The following CDH22 variants were observed in gnomAD, a reference collection of about 807,000 sequenced individuals.
CDH22 encodes the protein cadherin-22.
Under a neutral mutation model 58.4 loss-of-function variants are expected in CDH22, and 30 were observed. The observed-to-expected ratio is 0.51, with a 90% CI of 0.38 to 0.70. The LOEUF (loss-of-function observed/expected upper bound fraction) is 0.70, where lower values mean the gene tolerates loss of function less well. Among genes scored for constraint, CDH22 ranks in the 30% least tolerant of loss-of-function variants. The pLI is 0.00. For missense variants in CDH22, 1,014 were observed against 1,233.9 expected, an observed-to-expected ratio of 0.82 and a Z score of 2.67; for synonymous variants, 513 against 558.2, an observed-to-expected ratio of 0.92 and a Z score of 1.14.
intron 10 of CDH22, among the ~76,000 whole-genome samples, chr20:46,180,227 C>T (rs2085774706): frequency 6.6e-6 from 1 of 152,204 alleles, no homozygotes; most frequent in African/African-American, 2.4e-5. Context: ...GGGTCAGCCC[C>T]TCAGGTCACT....
intron 1 of CDH22, among the ~76,000 whole-genome samples, chr20:46,277,874 G>A (rs2086527767): frequency 6.6e-6 from 1 of 151,988 alleles, no homozygotes; most frequent in African/African-American, 2.4e-5. Context: ...GGCTTTGAAG[G>A]GAAGGAGGGA....
At chr20:46,233,741 T>A (rs2086234827) in intron 3 of CDH22, among the ~76,000 whole-genome samples, 1 of 152,222 alleles carries the variant, frequency 6.6e-6, no homozygotes, top group African/African-American at 2.4e-5. Context: ...TGGGGCCAAC[T>A]CCTGAGGACC....
At chr20:46,195,142 C>T (rs1376982661) in intron 8 of CDH22, among the ~76,000 whole-genome samples, 1 of 152,196 alleles carries the variant, frequency 6.6e-6, no homozygotes, top group Non-Finnish European at 1.5e-5. Flanking sequence ...AGTGACCTGT[C>T]CAGGCCCACC....
intron 1 of CDH22, among the ~76,000 whole-genome samples, chr20:46,305,021 A>G (rs1313951931): frequency 6.6e-6 from 1 of 152,194 alleles, no homozygotes; most frequent in Non-Finnish European, 1.5e-5. Flanking sequence ...TTGGACAGTC[A>G]ACAACCTGCC....
At chr20:46,206,114 T>TGATG (rs2086000489) in intron 7 of CDH22, among the ~76,000 whole-genome samples, 1 of 152,214 alleles carries the variant, frequency 6.6e-6, no homozygotes, top group Non-Finnish European at 1.5e-5. Context: ...CACTGGCCCA[T>TGATG]GTCTGAGGCC....
chr20:46,213,957 T>TA (rs1907448703), intron 5 of CDH22, among the ~76,000 whole-genome samples: 1 of 152,132 alleles, frequency 6.6e-6, no homozygotes, highest in African/African-American at 2.4e-5. Flanking sequence ...AGGAGAGAGA[T>TA]AAAGCAGGGA....
At position 46,231,956 on chromosome 20, in the gene CDH22, G is replaced by A. The variant is rs942712402; in HGVS notation, c.551-4329C>T. 3.9e-5 allele frequency among the ~76,000 whole-genome samples: 6 copies of A among 152,252 alleles called. No homozygotes were observed. The South Asian group carries it at 6.2e-4, about 16-fold the overall frequency. ...GATGGATTTAAGGACCCAGTGTGTC[G>A]TGGGTGCCTAACAGAAGCTCATTCC... On this transcript the variant is annotated intron_variant, in intron 3 of 11. Coordinates refer to ENST00000537909, the MANE Select transcript of CDH22 (RefSeq NM_021248.3).
chr20:46,193,054 G>C (rs907459551), intron 8 of CDH22, among the ~76,000 whole-genome samples: 1 of 152,080 alleles, frequency 6.6e-6, no homozygotes, highest in Non-Finnish European at 1.5e-5. Flanking sequence ...AGGAAGGGGT[G>C]GGGGAGGACT....
At chr20:46,181,716 T>TTCCTTCCTTCCTTCCTTCCTTCC (rs1555800194) in intron 10 of CDH22, among the ~76,000 whole-genome samples, 6 of 44,334 alleles carry the variant, frequency 1.4e-4, no homozygotes, top group Non-Finnish European at 2.2e-4. Flanking sequence ...TCTTTCTTTT[T>TTCCTTCCTTCCTTCCTTCCTTCC]TTCCTTCCTT....
chr20:46,266,287 T>C (rs1305488896), intron 1 of CDH22, among the ~76,000 whole-genome samples: 2 of 152,192 alleles, frequency 1.3e-5, no homozygotes, highest in African/African-American at 4.8e-5. Flanking sequence ...GGTGGCCTTA[T>C]GGCTGTCCGT....
chr20:46,193,637 T>C (rs909465119), intron 8 of CDH22, among the ~76,000 whole-genome samples: 2 of 152,136 alleles, frequency 1.3e-5, no homozygotes, highest in Non-Finnish European at 2.9e-5. Context: ...CCAGTGAGCT[T>C]CTTCACTCAC....
chr20:46,235,652 G>T (rs912976301), intron 3 of CDH22, among the ~76,000 whole-genome samples: 1 of 152,090 alleles, frequency 6.6e-6, no homozygotes, highest in East Asian at 1.9e-4. Flanking sequence ...CTTCAGCATC[G>T]TCCTTGTCTC....
chr20:46,200,331 A>G (rs1017825530), intron 7 of CDH22, among the ~76,000 whole-genome samples: 63 of 148,878 alleles, frequency 4.2e-4, no homozygotes, highest in African/African-American at 1.5e-3. Flanking sequence ...GTAGAGTGCA[A>G]TGGTGCCATC....
intron 1 of CDH22, among the ~76,000 whole-genome samples, chr20:46,272,187 C>T (rs1256088637): frequency 2.6e-5 from 4 of 152,308 alleles, no homozygotes; most frequent in South Asian, 2.1e-4. Context: ...ATTCTAATTC[C>T]GTCCAGAAGT....
chr20:46,213,394 C>G (rs1257479159), intron 5 of CDH22, among the ~76,000 whole-genome samples: 1 of 152,208 alleles, frequency 6.6e-6, no homozygotes, highest in Admixed American at 6.5e-5. Flanking sequence ...GGTTTAAATT[C>G]TGACCTTTGG....
chr20:46,176,597 T>A (rs554447202), intron 11 of CDH22, among the ~76,000 whole-genome samples: 1 of 152,372 alleles, frequency 6.6e-6, no homozygotes, highest in Admixed American at 6.5e-5. Context: ...ACTGGACTCT[T>A]CTTGCTCCTC....
intron 10 of CDH22, among the ~76,000 whole-genome samples, chr20:46,182,669 G>A (rs2085798204): frequency 6.6e-6 from 1 of 152,188 alleles, no homozygotes; most frequent in Admixed American, 6.5e-5. Context: ...TGGCCACCCC[G>A]GTCCCCTACC....
intron 2 of CDH22, among the ~76,000 whole-genome samples, chr20:46,247,338 C>T (rs1024765459): frequency 7.4e-6 from 1 of 135,006 alleles, no homozygotes; most frequent in Non-Finnish European, 1.7e-5. Context: ...GAAACTGAGG[C>T]ACAGAGAGGG....
At chr20:46,281,732 C>T (rs183544080) in intron 1 of CDH22, among the ~76,000 whole-genome samples, 1 of 152,294 alleles carries the variant, frequency 6.6e-6, no homozygotes, top group African/African-American at 2.4e-5. Context: ...ACACATCTGT[C>T]GACCCACACC....
Sources: allele counts gnomAD v4.1 joint callset (sites outside exome capture counted in the v4.1 genomes callset), GRCh38; gene constraint gnomAD v4.1.1; transcripts MANE v1.5; gene names NCBI Gene and HGNC (gene_info 2026-07-23, HGNC 2026-07-21).